SNTG2: variants seen among roughly 807,000 people sequenced by gnomAD.
SNTG2 encodes the protein syntrophin gamma 2.
A neutral mutation model predicts 70.9 loss-of-function variants in SNTG2; 74 were observed. The ratio of observed to expected loss-of-function variants is 1.04; its 90% confidence interval spans 0.86 to 1.27. SNTG2 has a LOEUF of 1.27. Ranked by LOEUF, SNTG2 falls within the 50% of genes most tolerant of loss-of-function variation. The pLI is 0.00. For missense variants in SNTG2, 717 were observed against 690.7 expected, an observed-to-expected ratio of 1.04 and a Z score of -0.43; for synonymous variants, 278 against 273.8, an observed-to-expected ratio of 1.02 and a Z score of -0.15.
chr2:1,089,255 TGGTACCCA>T (rs1333858890), intron 2 of SNTG2, among the ~76,000 whole-genome samples: 1 of 152,254 alleles, frequency 6.6e-6, no homozygotes, highest in East Asian at 1.9e-4. Flanking sequence ...TGTTATTTAA[TGGTACCCA>T]GAATAGGGTT....
chr2:1,035,178 T>A (rs1045146635), intron 1 of SNTG2, among the ~76,000 whole-genome samples: 1 of 152,220 alleles, frequency 6.6e-6, no homozygotes, highest in Non-Finnish European at 1.5e-5. Flanking sequence ...AGAACAAAGA[T>A]ACAACAATCC....
intron 14 of SNTG2, among the ~76,000 whole-genome samples, chr2:1,295,809 C>G (rs1269426744): frequency 6.6e-6 from 1 of 151,230 alleles, no homozygotes; most frequent in Non-Finnish European, 1.5e-5. Flanking sequence ...ATGTCACCAT[C>G]AATGTCTTCC....
chr2:1,270,553 A>G (rs187588491), intron 14 of SNTG2, among the ~76,000 whole-genome samples: 294 of 145,072 alleles, frequency 2.0e-3, no homozygotes, highest in Non-Finnish European at 3.4e-3. Flanking sequence ...CTAAACCACA[A>G]TGGCAGGATC....
intron 16 of SNTG2, among the ~76,000 whole-genome samples, chr2:1,324,110 A>G (rs1055171742): frequency 6.6e-6 from 1 of 151,780 alleles, no homozygotes; most frequent in African/African-American, 2.4e-5. Context: ...ACCCCCCAGT[A>G]GTCTGGGACA....
At chr2:1,257,283 A>G (rs1678174260) in intron 12 of SNTG2, among the ~76,000 whole-genome samples, 1 of 152,170 alleles carries the variant, frequency 6.6e-6, no homozygotes, top group South Asian at 2.1e-4. Flanking sequence ...TCCCTGAATC[A>G]ATCATGTTGG....
chr2:1,220,440 A>G (rs1409066932), intron 9 of SNTG2, among the ~76,000 whole-genome samples: 1 of 152,082 alleles, frequency 6.6e-6, no homozygotes, highest in Non-Finnish European at 1.5e-5. Context: ...TTGTGGTTGG[A>G]CGGCATGTCG....
At chr2:1,118,386 G>A (rs1012884727) in intron 4 of SNTG2, among the ~76,000 whole-genome samples, 3 of 152,074 alleles carry the variant, frequency 2.0e-5, no homozygotes, top group African/African-American at 7.2e-5. Context: ...AATTCCTGCA[G>A]CCTATGCCAC....
At chr2:1,298,552 C>T (rs150424131) in intron 14 of SNTG2, among the ~76,000 whole-genome samples, 241 of 152,288 alleles carry the variant, frequency 1.6e-3, no homozygotes, top group African/African-American at 5.2e-3. Flanking sequence ...TGTCCTCCCC[C>T]GGTCCTGGAT....
chr2:1,024,100 G>A (rs1419813151), intron 1 of SNTG2, among the ~76,000 whole-genome samples: 1 of 152,122 alleles, frequency 6.6e-6, no homozygotes, highest in Admixed American at 6.5e-5. Flanking sequence ...GGTAGACATG[G>A]GTATGGAATG....
chr2:1,331,115 G>A lies in SNTG2; in HGVS notation c.1488+14740G>A, dbSNP rs901774265. ...ATGTTCTTCCAGTGAGGGATGCTCT[G>A]TGAGGCCACGTCGTGTCCTGGACAA... On this transcript the variant is annotated intron_variant, in intron 16 of 16. Transcript: ENST00000308624. 7.2e-5 allele frequency among the ~76,000 whole-genome samples: 11 copies of A among 152,178 alleles called. No individual in the cohort carries two copies. The East Asian group carries it at 2.1e-3, about 29-fold the overall frequency.
chr2:1,205,696 T>TC (rs1314771621), intron 8 of SNTG2, among the ~76,000 whole-genome samples: 1 of 152,148 alleles, frequency 6.6e-6, no homozygotes, highest in Admixed American at 6.5e-5. Flanking sequence ...CAGTACAGGC[T>TC]CCCCCTCGCC....
chr2:1,169,547 C>T (rs1351191226), intron 7 of SNTG2, among the ~76,000 whole-genome samples: 1 of 152,206 alleles, frequency 6.6e-6, no homozygotes, highest in Non-Finnish European at 1.5e-5. Flanking sequence ...CTGTGTTTCC[C>T]TCTGAGGATG....
intron 1 of SNTG2, among the ~76,000 whole-genome samples, chr2:958,559 A>G (rs1255996850): frequency 6.6e-6 from 1 of 152,204 alleles, no homozygotes; most frequent in Non-Finnish European, 1.5e-5. Flanking sequence ...AATTACCTAC[A>G]CTGTAATTGC....
At chr2:1,319,977 T>G (rs2148269171) in intron 16 of SNTG2, among the ~76,000 whole-genome samples, 1 of 152,328 alleles carries the variant, frequency 6.6e-6, no homozygotes, top group East Asian at 1.9e-4. Flanking sequence ...TAGGAACATT[T>G]TATTATCTCA....
chr2:1,259,039 C>T (rs1216227390), intron 12 of SNTG2, among the ~76,000 whole-genome samples: 2 of 152,064 alleles, frequency 1.3e-5, no homozygotes, highest in Non-Finnish European at 2.9e-5. Context: ...AAAAGGAATC[C>T]AAAATGGTTT....
At chr2:1,234,132 G>GGAAACTCGGAGGAAACCGT (rs912117530) in intron 9 of SNTG2, among the ~76,000 whole-genome samples, 2 of 152,174 alleles carry the variant, frequency 1.3e-5, no homozygotes, top group African/African-American at 4.8e-5. Context: ...GAGCCACGGA[G>GGAAACTCGGAGGAAACCGT]GAAACTCGGA....
chr2:1,079,647 C>G (rs1664152138), intron 1 of SNTG2, among the ~76,000 whole-genome samples: 1 of 151,858 alleles, frequency 6.6e-6, no homozygotes, highest in Non-Finnish European at 1.5e-5. Flanking sequence ...CTCGGCACAC[C>G]CTTCCCGTGT....
intron 2 of SNTG2, 104 bp downstream of exon 2, chr2:1,083,759 A>C: frequency 1.6e-6 from 2 of 1,271,940 alleles, no homozygotes; most frequent in Non-Finnish European, 2.2e-6. Flanking sequence ...AAAAGCTGCT[A>C]CTCGTTATTT....
chr2:1,324,107 A>C (rs1681664120), intron 16 of SNTG2, among the ~76,000 whole-genome samples: 1 of 151,620 alleles, frequency 6.6e-6, no homozygotes, highest in Non-Finnish European at 1.5e-5. Context: ...GAGACCCCCC[A>C]GTAGTCTGGG....
Sources: allele counts gnomAD v4.1 joint callset (sites outside exome capture counted in the v4.1 genomes callset), GRCh38; gene constraint gnomAD v4.1.1; transcripts MANE v1.5; gene names NCBI Gene and HGNC (gene_info 2026-07-23, HGNC 2026-07-21).